FTO: variants seen among roughly 807,000 people sequenced by gnomAD.
FTO encodes FTO alpha-ketoglutarate dependent dioxygenase, also known as alpha-ketoglutarate-dependent dioxygenase FTO.
FTO carries 47 observed loss-of-function variants against 63.9 expected under a neutral mutation model. The ratio of observed to expected loss-of-function variants is 0.74; its 90% CI spans 0.58 to 0.94. The LOEUF is 0.94. Ranked by LOEUF, FTO falls within the 40% of genes least tolerant of loss-of-function variation. The pLI is 0.00. For synonymous variants in FTO, 207 were observed against 224.4 expected, an observed-to-expected ratio of 0.92 and a Z score of 0.69; for missense variants, 562 against 618.1, an observed-to-expected ratio of 0.91 and a Z score of 0.96.
chr16:53,795,002 A>G (rs928854555), intron 1 of FTO, among the ~76,000 whole-genome samples: 4 of 152,208 alleles, frequency 2.6e-5, no homozygotes, highest in Non-Finnish European at 1.5e-5. Flanking sequence ...AAGTCAGTCA[A>G]AAATTAAAAG....
At chr16:53,743,983 A>G (rs1264789764) in intron 1 of FTO, among the ~76,000 whole-genome samples, 1 of 152,206 alleles carries the variant, frequency 6.6e-6, no homozygotes, top group Admixed American at 6.5e-5. Flanking sequence ...AATTCAGTAG[A>G]AAGTACTTCT....
At chr16:53,823,916 T>C (rs1339220987) in intron 2 of FTO, among the ~76,000 whole-genome samples, 1 of 152,096 alleles carries the variant, frequency 6.6e-6, no homozygotes, top group Non-Finnish European at 1.5e-5. Context: ...AAAAGACTTA[T>C]ATCTTTTTTT....
At chr16:53,873,901 G>A in intron 5 of FTO, 36 bp downstream of exon 5, 9 of 1,455,284 alleles carry the variant, frequency 6.2e-6, no homozygotes, top group African/African-American at 1.4e-5. Flanking sequence ...ACACCTAATT[G>A]GATGTGACAG....
At chr16:53,959,469 G>A (rs1199246476) in intron 8 of FTO, among the ~76,000 whole-genome samples, 9 of 152,116 alleles carry the variant, frequency 5.9e-5, no homozygotes, top group Admixed American at 5.9e-4. Context: ...GATGTAAGCA[G>A]AGTGCTTTGA....
intron 1 of FTO, among the ~76,000 whole-genome samples, chr16:53,792,521 G>T (rs1251058254): frequency 6.6e-6 from 1 of 152,172 alleles, no homozygotes; most frequent in African/African-American, 2.4e-5. Context: ...TCCCATGGCA[G>T]GTTGTTTGAT....
At chr16:54,048,548 T>C (rs529879874) in intron 8 of FTO, among the ~76,000 whole-genome samples, 3 of 152,334 alleles carry the variant, frequency 2.0e-5, no homozygotes, top group African/African-American at 4.8e-5. Flanking sequence ...GAAAGAACAA[T>C]TGGGTGAAGA....
intron 8 of FTO, among the ~76,000 whole-genome samples, chr16:54,057,240 G>T (rs936608596): frequency 6.6e-6 from 1 of 152,188 alleles, no homozygotes; most frequent in Non-Finnish European, 1.5e-5. Context: ...AGCAAACCTT[G>T]TTTAGCACTG....
At chr16:53,751,457 C>CA (rs1003290645) in intron 1 of FTO, among the ~76,000 whole-genome samples, 100 of 143,742 alleles carry the variant, frequency 7.0e-4, no homozygotes, top group Admixed American at 1.4e-3. Flanking sequence ...GACTCCATCT[C>CA]AAAAAAAAAA....
intron 8 of FTO, among the ~76,000 whole-genome samples, chr16:54,007,327 C>CA (rs2084232407): frequency 6.6e-6 from 1 of 151,762 alleles, no homozygotes; most frequent in East Asian, 1.9e-4. Context: ...AAAGAAAAAA[C>CA]AAAAAAGAAT....
chr16:53,873,435 G>A (rs9673307), intron 4 of FTO, among the ~76,000 whole-genome samples: 60,804 of 149,698 alleles, frequency 0.41, 13,404 homozygotes, highest in East Asian at 0.72. Flanking sequence ...TACATATTTA[G>A]TTATATACAT....
At position 53,761,241 on chromosome 16, in the gene FTO, C is replaced by T. The variant is rs555381477; in HGVS notation, c.46-48899C>T. On this transcript the variant is annotated intron_variant, in intron 1 of 8. Transcript: ENST00000471389. ...CTTCCCAAGTAACTGGGACATCAGG[C>T]GCACACCACCACACCCAGCTCATTT... Among the ~76,000 whole-genome samples, 75 of 147,950 alleles carry T rather than the reference C, an allele frequency of 5.1e-4. 1 individual carries two copies. In the South Asian group the frequency reaches 8.5e-3, roughly 17 times the overall value.
chr16:53,983,900 T>C (rs549534778), intron 8 of FTO, among the ~76,000 whole-genome samples: 1 of 152,322 alleles, frequency 6.6e-6, no homozygotes, highest in South Asian at 2.1e-4. Flanking sequence ...TTTATAAAAA[T>C]TTTGACAACT....
At chr16:53,930,826 A>G (rs554211492) in intron 7 of FTO, among the ~76,000 whole-genome samples, 4 of 152,348 alleles carry the variant, frequency 2.6e-5, no homozygotes, top group African/African-American at 9.6e-5. Context: ...GAGCTCCTTG[A>G]TAAAGCACAT....
chr16:54,041,495 C>G (rs778466890), intron 8 of FTO, among the ~76,000 whole-genome samples: 4 of 152,278 alleles, frequency 2.6e-5, no homozygotes, highest in Non-Finnish European at 4.4e-5. Flanking sequence ...GTAGACCCAC[C>G]TAGCGATTCA....
At chr16:53,778,641 G>A (rs1273726279) in intron 1 of FTO, among the ~76,000 whole-genome samples, 1 of 152,134 alleles carries the variant, frequency 6.6e-6, no homozygotes, top group Non-Finnish European at 1.5e-5. Context: ...AGTTTTATTA[G>A]TTATATCTTG....
chr16:53,729,257 C>T (rs188435232), intron 1 of FTO, among the ~76,000 whole-genome samples: 8 of 151,774 alleles, frequency 5.3e-5, no homozygotes, highest in African/African-American at 1.9e-4. Context: ...GGCCAGGAGC[C>T]GTGGCTCATG....
intron 1 of FTO, among the ~76,000 whole-genome samples, chr16:53,743,549 T>C (rs2151547025): frequency 6.7e-6 from 1 of 148,252 alleles, no homozygotes; most frequent in South Asian, 2.3e-4. Context: ...AGTGGGAAAG[T>C]GGGGTAAAGA....
intron 6 of FTO, 82 bp from the exon 7 acceptor site, chr16:53,888,750 G>A (rs2151906517): frequency 1.9e-5 from 28 of 1,460,042 alleles, no homozygotes; most frequent in Non-Finnish European, 2.7e-5. Context: ...GTTACTGGAG[G>A]AGAATTAAGA....
intron 1 of FTO, among the ~76,000 whole-genome samples, chr16:53,759,279 A>T (rs2076993200): frequency 6.6e-6 from 1 of 152,228 alleles, no homozygotes; most frequent in Admixed American, 6.5e-5. Flanking sequence ...AGCCCAAAAC[A>T]AAGCAATGGA....
Sources: gnomAD v4.1 joint callset for allele counts (sites outside exome capture counted in the v4.1 genomes callset) on GRCh38, gnomAD v4.1.1 for gene constraint, MANE v1.5 for transcripts, NCBI Gene and HGNC (gene_info 2026-07-23, HGNC 2026-07-21) for gene names.